PAK3: variants seen among roughly 807,000 people sequenced by gnomAD.
The protein encoded by PAK3 is p21 (RAC1) activated kinase 3, also known as serine/threonine-protein kinase PAK 3.
A neutral mutation model predicts 41.0 loss-of-function variants in PAK3; 4 were observed. The observed-to-expected ratio is 0.10, with a 90% CI of 0.05 to 0.22. The LOEUF is 0.22. PAK3 is among the 10% of genes least tolerant of loss of function. The pLI, the probability that PAK3 is intolerant of heterozygous loss-of-function variation, is 1.00. For missense variants in PAK3, 205 were observed against 409.9 expected (o/e 0.50, Z 4.32); for synonymous variants, 146 against 139.6 (o/e 1.05, Z -0.32).
chrX:111,147,950 T>A, intron 7 of PAK3, 60 bp downstream of exon 7: 1 of 1,006,179 alleles, frequency 9.9e-7, no homozygotes, highest in Non-Finnish European at 1.4e-6. Flanking sequence ...GAGTGTCATG[T>A]TGAGAACAAA....
intron 4 of PAK3, among the ~76,000 whole-genome samples, chrX:111,118,564 G>A (rs965829184): frequency 9.9e-5 from 11 of 110,707 alleles, no homozygotes; most frequent in East Asian, 2.8e-4. Context: ...TGAAAAGGGC[G>A]TTAAACAGCC....
chrX:111,141,994 A>G lies in PAK3; in HGVS notation c.176-102A>G, dbSNP rs773989167. On this transcript the variant is annotated intron_variant, in intron 5 of 17. Coordinates refer to ENST00000372007, the MANE Select transcript of PAK3 (RefSeq NM_002578.5). ...TGTTGTTAAAATTGTGTTGGAATCA[A>G]TTGTCTTTCAACTTTGTAATTGTTT... The G allele has an allele frequency of 9.0e-6, 5 of 555,775 alleles. No individual in the cohort carries two copies. In the Admixed American group the frequency reaches 1.2e-4, roughly 13 times the overall value. 45.8% of individuals were successfully genotyped at this position (555,775 alleles called of 1,213,427 possible).
At chrX:111,106,264 A>G (rs954871230) in intron 4 of PAK3, among the ~76,000 whole-genome samples, 5 of 112,182 alleles carry the variant, frequency 4.5e-5, no homozygotes, top group African/African-American at 1.6e-4. Flanking sequence ...ATATAATGAC[A>G]TGCACAGTCA....
At chrX:110,962,834 A>T (rs886988976) in intron 1 of PAK3, among the ~76,000 whole-genome samples, 1 of 112,894 alleles carries the variant, frequency 8.9e-6, no homozygotes, top group Non-Finnish European at 1.9e-5. Context: ...CTTAGTATTT[A>T]TCAGGAACAG....
chrX:110,991,941 G>A (rs1210426453), intron 1 of PAK3, among the ~76,000 whole-genome samples: 1 of 111,301 alleles, frequency 9.0e-6, no homozygotes, highest in Non-Finnish European at 1.9e-5. Flanking sequence ...GCCCAATAGA[G>A]GTAGTATGGA....
At chrX:110,963,232 T>A (rs1250636051) in intron 1 of PAK3, among the ~76,000 whole-genome samples, 1 of 112,773 alleles carries the variant, frequency 8.9e-6, no homozygotes, top group Non-Finnish European at 1.9e-5. Flanking sequence ...ACATGTTTAC[T>A]TCATGAAATG....
At chrX:111,156,419 A>G (rs2094107406) in intron 8 of PAK3, among the ~76,000 whole-genome samples, 1 of 111,940 alleles carries the variant, frequency 8.9e-6, no homozygotes, top group Admixed American at 9.5e-5. Context: ...GTTTCTATTG[A>G]TTGAATGAAC....
At chrX:111,129,013 T>G (rs1490605829) in intron 5 of PAK3, among the ~76,000 whole-genome samples, 1 of 111,423 alleles carries the variant, frequency 9.0e-6, no homozygotes, top group Non-Finnish European at 1.9e-5. Context: ...GTATTGAATA[T>G]ATATTGTTCT....
At chrX:111,178,931 T>G (rs1339261585) in intron 11 of PAK3, among the ~76,000 whole-genome samples, 1 of 106,663 alleles carries the variant, frequency 9.4e-6, no homozygotes, top group Non-Finnish European at 1.9e-5. Context: ...TAAAAAGTTT[T>G]TTGATGCACC....
intron 1 of PAK3, among the ~76,000 whole-genome samples, chrX:111,010,834 T>C (rs2092001392): frequency 8.9e-6 from 1 of 112,007 alleles, no homozygotes; most frequent in African/African-American, 3.2e-5. Flanking sequence ...AATACAAAAA[T>C]GGTCTAGCGC....
At chrX:111,152,771 T>C in intron 8 of PAK3, 1 of 158,556 alleles carries the variant, frequency 6.3e-6, no homozygotes, top group Non-Finnish European at 1.2e-5. Flanking sequence ...CCTTTATGGA[T>C]TTGGCTTTCT....
chrX:111,166,259 T>G (rs911069998), intron 10 of PAK3, among the ~76,000 whole-genome samples: 2 of 111,250 alleles, frequency 1.8e-5, no homozygotes, highest in African/African-American at 6.5e-5. Context: ...GTCACTTAAC[T>G]CCTCTGAGCC....
At chrX:111,212,379 A>G (rs2094831162) in intron 16 of PAK3, among the ~76,000 whole-genome samples, 1 of 111,548 alleles carries the variant, frequency 9.0e-6, no homozygotes. Context: ...TTAGCTGGGT[A>G]GTGGGTAGCA....
chrX:111,125,031 C>T (rs758498853), intron 5 of PAK3, among the ~76,000 whole-genome samples: 123 of 111,894 alleles, frequency 1.1e-3, no homozygotes, highest in African/African-American at 3.9e-3. Flanking sequence ...TTGATCTGGC[C>T]ATTCAGGAAG....
chrX:111,019,733 C>A (rs2092149278), intron 1 of PAK3, among the ~76,000 whole-genome samples: 2 of 80,811 alleles, frequency 2.5e-5, no homozygotes, highest in East Asian at 4.0e-4. Flanking sequence ...GGGGGGGGGG[C>A]AAATGATTTG....
intron 7 of PAK3, among the ~76,000 whole-genome samples, chrX:111,149,226 A>T (rs2093992859): frequency 8.9e-6 from 1 of 112,039 alleles, no homozygotes; most frequent in South Asian, 3.7e-4. Context: ...GGTCTTGGGC[A>T]GCTCTACCCT....
intron 1 of PAK3, among the ~76,000 whole-genome samples, chrX:110,979,123 A>T (rs1241155180): frequency 9.1e-6 from 1 of 109,967 alleles, no homozygotes; most frequent in African/African-American, 3.3e-5. Context: ...TGCTTGTACT[A>T]CTCCATTTTA....
At chrX:111,217,285 T>TA (rs1384515484) in intron 17 of PAK3, among the ~76,000 whole-genome samples, 4 of 111,833 alleles carry the variant, frequency 3.6e-5, no homozygotes, top group South Asian at 7.5e-4. Context: ...CCAATTTAGA[T>TA]AAAAATATGT....
intron 1 of PAK3, among the ~76,000 whole-genome samples, chrX:110,973,750 A>G (rs1453903532): frequency 2.7e-5 from 3 of 112,211 alleles, no homozygotes; most frequent in African/African-American, 6.5e-5. Flanking sequence ...AAATCCTCCA[A>G]TTAAAAGACA....
Sources: allele counts gnomAD v4.1 joint callset (sites outside exome capture counted in the v4.1 genomes callset), GRCh38; gene constraint gnomAD v4.1.1; transcripts MANE v1.5; gene names NCBI Gene and HGNC (gene_info 2026-07-23, HGNC 2026-07-21).